Variants in ETV6 observed in about 807,000 individuals in gnomAD.
The protein encoded by ETV6 is ETS variant transcription factor 6.
Under a neutral mutation model 51.1 loss-of-function variants are expected in ETV6, and 16 were observed. The ratio of observed to expected loss-of-function variants is 0.31; its 90% CI spans 0.21 to 0.48. The LOEUF (loss-of-function observed/expected upper bound fraction) is 0.48. Among genes scored for constraint, ETV6 ranks in the 20% least tolerant of loss-of-function variants. The pLI is 0.99. For missense variants in ETV6, 458 were observed against 594.8 expected, an observed-to-expected ratio of 0.77 and a Z score of 2.39; for synonymous variants, 240 against 224.1, an observed-to-expected ratio of 1.07 and a Z score of -0.64.
chr12:11,773,209 A>G (rs7964308), intron 2 of ETV6, among the ~76,000 whole-genome samples: 86,166 of 135,414 alleles, frequency 0.64, 26,755 homozygotes, highest in Admixed American at 0.76. Flanking sequence ...AAAAAAAAAA[A>G]AAATGAAATC....
intron 1 of ETV6, among the ~76,000 whole-genome samples, chr12:11,671,572 C>A (rs1445139368): frequency 6.6e-6 from 1 of 152,094 alleles, no homozygotes; most frequent in African/African-American, 2.4e-5. Flanking sequence ...TGTATCAAAT[C>A]ATTACATGTA....
intron 1 of ETV6, among the ~76,000 whole-genome samples, chr12:11,736,223 T>G (rs1029698717): frequency 6.6e-6 from 1 of 152,220 alleles, no homozygotes; most frequent in Non-Finnish European, 1.5e-5. Flanking sequence ...GGTCTTCAGA[T>G]CATTCATTCA....
intron 2 of ETV6, among the ~76,000 whole-genome samples, chr12:11,795,031 A>G (rs1450832665): frequency 6.6e-6 from 1 of 152,180 alleles, no homozygotes; most frequent in Non-Finnish European, 1.5e-5. Context: ...ATACTGTGAT[A>G]CTCGCCTAAT....
At chr12:11,664,095 G>T (rs1403917802) in intron 1 of ETV6, among the ~76,000 whole-genome samples, 1 of 152,204 alleles carries the variant, frequency 6.6e-6, no homozygotes, top group Admixed American at 6.5e-5. Flanking sequence ...CAGGGTTCCT[G>T]TTATGTGTCT....
intron 2 of ETV6, among the ~76,000 whole-genome samples, chr12:11,763,184 A>G (rs908742144): frequency 1.3e-5 from 2 of 152,128 alleles, no homozygotes; most frequent in Admixed American, 6.5e-5. Context: ...CAGCTCCCAC[A>G]CTGACTCCTT....
In ETV6 at chr12:11,773,952, G is replaced by A. The variant is rs369540059; in HGVS notation, c.163+21373G>A. ...CGCTGGCTGGCATCTGCCCTCCTCC[G>A]TCTCCTGGGTGCTGCCACAGAGAAG... On this transcript the variant is annotated intron_variant, in intron 2 of 7. Coordinates refer to ENST00000396373, the MANE Select transcript of ETV6 (RefSeq NM_001987.5). Among the ~76,000 whole-genome samples the A allele has an allele frequency of 3.1e-4, 47 of 152,296 alleles. No homozygotes were observed. The East Asian group carries it at 7.3e-3, about 24-fold the overall frequency.
intron 2 of ETV6, among the ~76,000 whole-genome samples, chr12:11,789,737 G>T (rs1467214882): frequency 6.6e-6 from 1 of 152,136 alleles, no homozygotes; most frequent in Non-Finnish European, 1.5e-5. Context: ...CCAGAATTTT[G>T]AAGGTAGCAC....
chr12:11,758,050 A>G (rs558259323), intron 2 of ETV6, among the ~76,000 whole-genome samples: 1 of 152,226 alleles, frequency 6.6e-6, no homozygotes, highest in African/African-American at 2.4e-5. Context: ...CCAGTACCCA[A>G]TTCCCCAGCA....
intron 2 of ETV6, among the ~76,000 whole-genome samples, chr12:11,788,798 A>G (rs1175817417): frequency 9.2e-6 from 1 of 109,214 alleles, no homozygotes. Flanking sequence ...ATCTAGCATT[A>G]TTTCACTGTA....
At chr12:11,838,251 C>T (rs940766523) in intron 2 of ETV6, among the ~76,000 whole-genome samples, 4 of 152,194 alleles carry the variant, frequency 2.6e-5, no homozygotes, top group Non-Finnish European at 5.9e-5. Context: ...ACTTCATAGG[C>T]ACCCTACAAA....
chr12:11,753,660 T>C (rs1866082508), intron 2 of ETV6, among the ~76,000 whole-genome samples: 1 of 152,212 alleles, frequency 6.6e-6, no homozygotes. Flanking sequence ...AGGATGCAGG[T>C]TCTTCCTTTC....
chr12:11,743,456 C>T (rs1314771315), intron 1 of ETV6, among the ~76,000 whole-genome samples: 4 of 152,118 alleles, frequency 2.6e-5, no homozygotes, highest in African/African-American at 9.7e-5. Context: ...TTCTTCCTTA[C>T]AGATGGGGGT....
intron 2 of ETV6, among the ~76,000 whole-genome samples, chr12:11,769,690 A>G (rs1418091651): frequency 6.6e-6 from 1 of 152,238 alleles, no homozygotes; most frequent in Non-Finnish European, 1.5e-5. Context: ...AAGGTACAAA[A>G]AAAGAAAATA....
chr12:11,734,525 AAAAG>A (rs1339192659), intron 1 of ETV6, among the ~76,000 whole-genome samples: 25 of 147,578 alleles, frequency 1.7e-4, no homozygotes, highest in African/African-American at 6.6e-4. Flanking sequence ...GCAAAAAAAA[AAAAG>A]AAAAAAAAAA....
At chr12:11,777,349 C>A (rs1226579320) in intron 2 of ETV6, among the ~76,000 whole-genome samples, 2 of 151,420 alleles carry the variant, frequency 1.3e-5, no homozygotes, top group African/African-American at 4.9e-5. Flanking sequence ...GTTTTTAATC[C>A]ATAAAAATAA....
At position 11,892,366 on chromosome 12, in the gene ETV6, C is replaced by CATT. The variant is rs951210368; in HGVS notation, c.*1324_*1326dup. 1.3e-5 allele frequency: 3 copies of CATT among 232,956 alleles called. No homozygotes were observed. The highest frequency in any genetic ancestry group is 1.8e-4 in the South Asian group (1 of 5,524). The allele number at this position is 232,956 out of a possible 1,614,324, so 14.4% of individuals were successfully genotyped here. A position where few individuals can be genotyped will look rare whatever the true frequency, so the allele number is the denominator to read the frequency against. On this transcript the variant is annotated 3_prime_UTR_variant, in exon 8 of 8. Coordinates refer to ENST00000396373, the MANE Select transcript of ETV6 (RefSeq NM_001987.5). Reference sequence around the variant, plus strand: ...GGGCAGACAGGAAATTCCTCGGATACATTATTTTTTCTTTCTTTCATAGCT... The same window carrying CATT: ...GGGCAGACAGGAAATTCCTCGGATACATTATTATTTTTTCTTTCTTTCATAGCT...
rs34166149 is a variant in ETV6, at chr12:11,891,459, TTA to T, written c.*423_*424del. On this transcript the variant is annotated 3_prime_UTR_variant, in exon 8 of 8. Coordinates refer to ENST00000396373, the MANE Select transcript of ETV6 (RefSeq NM_001987.5). Reference sequence around the variant, plus strand: ...GTTTTCCTATGGAAATATATATCTATTATATATATATTTTTTGCAAATCTCAC... The same window carrying T: ...GTTTTCCTATGGAAATATATATCTATTATATATATTTTTTGCAAATCTCAC... The T allele has an allele frequency of 1.3e-5, 6 of 445,838 alleles. No individual in the cohort carries two copies. The highest frequency in any genetic ancestry group is 2.0e-5 in the African/African-American group (1 of 50,174). The allele number at this position is 445,838 out of a possible 1,614,324, so 27.6% of individuals were successfully genotyped here. A position where few individuals can be genotyped will look rare whatever the true frequency, so the allele number is the denominator to read the frequency against.
chr12:11,890,197 C>T (rs1947265946), intron 7 of ETV6, among the ~76,000 whole-genome samples: 1 of 131,722 alleles, frequency 7.6e-6, no homozygotes, highest in Non-Finnish European at 1.6e-5. Context: ...CAGCATTTTT[C>T]ACTTAACATT....
chr12:11,887,169 C>A (rs903336744), intron 7 of ETV6, among the ~76,000 whole-genome samples: 5 of 152,216 alleles, frequency 3.3e-5, no homozygotes, highest in African/African-American at 1.2e-4. Context: ...ACCCTCCATT[C>A]TCTGGCTCTA....
Sources: gnomAD v4.1 joint callset for allele counts (sites outside exome capture counted in the v4.1 genomes callset) on GRCh38, gnomAD v4.1.1 for gene constraint, MANE v1.5 for transcripts, NCBI Gene and HGNC (gene_info 2026-07-23, HGNC 2026-07-21) for gene names.